DPP6: variants seen among roughly 807,000 people sequenced by gnomAD.
DPP6 encodes dipeptidyl peptidase like 6, also known as A-type potassium channel modulatory protein DPP6.
DPP6 carries 69 observed loss-of-function variants against 122.6 expected under a neutral mutation model. The observed-to-expected ratio is 0.56, with a 90% CI of 0.46 to 0.69. DPP6 has a LOEUF of 0.69. DPP6 is among the 30% of genes least tolerant of loss of function. DPP6 has a pLI of 0.00. For synonymous variants in DPP6, 418 were observed against 433.1 expected, an observed-to-expected ratio of 0.97 and a Z score of 0.43; for missense variants, 928 against 1,116.9, an observed-to-expected ratio of 0.83 and a Z score of 2.41.
At chr7:153,993,767 C>T (rs1448334600) in intron 1 of DPP6, among the ~76,000 whole-genome samples, 4 of 152,198 alleles carry the variant, frequency 2.6e-5, no homozygotes, top group Non-Finnish European at 4.4e-5. Flanking sequence ...TCATCTTCCC[C>T]AGATCTCTTT....
intron 1 of DPP6, among the ~76,000 whole-genome samples, chr7:154,334,227 G>A (rs1333463889): frequency 6.6e-6 from 1 of 151,600 alleles, no homozygotes; most frequent in Non-Finnish European, 1.5e-5. Flanking sequence ...TCTCTTTTGA[G>A]TGCTAGCTTT....
intron 5 of DPP6, among the ~76,000 whole-genome samples, chr7:154,595,694 G>A (rs1833051086): frequency 6.6e-6 from 1 of 152,250 alleles, no homozygotes; most frequent in Non-Finnish European, 1.5e-5. Flanking sequence ...GCTAGGCGGA[G>A]GCAGGAATGG....
intron 7 of DPP6, among the ~76,000 whole-genome samples, chr7:154,725,665 C>T (rs1842029522): frequency 1.3e-5 from 2 of 152,278 alleles, no homozygotes; most frequent in South Asian, 4.1e-4. Context: ...TCATTCCACT[C>T]CTGTCCCCTC....
chr7:154,109,653 T>C (rs1000814381), intron 1 of DPP6, among the ~76,000 whole-genome samples: 1 of 152,230 alleles, frequency 6.6e-6, no homozygotes, highest in African/African-American at 2.4e-5. Context: ...CTCACAAATA[T>C]TTTATTGATG....
intron 1 of DPP6, among the ~76,000 whole-genome samples, chr7:154,171,506 G>C (rs1169183846): frequency 6.6e-6 from 1 of 152,192 alleles, no homozygotes; most frequent in Non-Finnish European, 1.5e-5. Flanking sequence ...ATGAGTCCCT[G>C]CTGGGTGGGT....
intron 10 of DPP6, among the ~76,000 whole-genome samples, chr7:154,776,287 G>A (rs1263634750): frequency 6.6e-6 from 1 of 151,996 alleles, no homozygotes; most frequent in Non-Finnish European, 1.5e-5. Flanking sequence ...TAGATAGATA[G>A]GCCATGCACC....
In DPP6 at chr7:154,863,315, G is replaced by A. The variant is rs982290427; in HGVS notation, c.1715-4680G>A. Among the ~76,000 whole-genome samples, 7 of 151,232 alleles carry A rather than the reference G, an allele frequency of 4.6e-5. No individual in the cohort carries two copies. Among genetic ancestry groups the A allele is most frequent in the Admixed American group, 2.6e-4 (4 of 15,212 alleles). On this transcript the variant is annotated intron_variant, in intron 17 of 25. Coordinates refer to ENST00000377770, the MANE Select transcript of DPP6 (RefSeq NM_130797.4). This position sits in a 1 kb window ranked among gnomAD's most constrained non-coding sequence, Gnocchi z 4.1. ...AAGAAATGTAATATTTAGCATCTTG[G>A]CCCCAAGATTCTACAATCCTTTCAT...
the DPP6 span, among the ~76,000 whole-genome samples, chr7:153,830,010 C>T: frequency 6.6e-6 from 1 of 152,174 alleles, no homozygotes; most frequent in African/African-American, 2.4e-5. Context: ...CTAATTGGGG[C>T]ATGGAATTGT....
chr7:154,504,696 A>C (rs911065589), intron 3 of DPP6, among the ~76,000 whole-genome samples: 1 of 152,196 alleles, frequency 6.6e-6, no homozygotes, highest in African/African-American at 2.4e-5. Flanking sequence ...CTCTCAAAAT[A>C]GCCTTTCTTA....
chr7:153,798,180 G>A, the DPP6 span, among the ~76,000 whole-genome samples: 1 of 152,088 alleles, frequency 6.6e-6, no homozygotes, highest in Non-Finnish European at 1.5e-5. Context: ...CCCATCATGG[G>A]AGCCTCACCT....
At chr7:154,113,305 T>C (rs73481369) in intron 1 of DPP6, among the ~76,000 whole-genome samples, 4,561 of 152,176 alleles carry the variant, frequency 0.03, 227 homozygotes, top group African/African-American at 0.1. Flanking sequence ...TCATACTGTA[T>C]TCCAAAGTGG....
chr7:154,513,447 G>A (rs958274933), intron 3 of DPP6, among the ~76,000 whole-genome samples: 1 of 152,078 alleles, frequency 6.6e-6, no homozygotes, highest in Non-Finnish European at 1.5e-5. Flanking sequence ...ATCTTTTATT[G>A]GTGTGGGACA....
At chr7:154,120,726 C>CA (rs1282839784) in intron 1 of DPP6, among the ~76,000 whole-genome samples, 1 of 152,194 alleles carries the variant, frequency 6.6e-6, no homozygotes, top group African/African-American at 2.4e-5. Context: ...AGAAACAGTA[C>CA]ACATGAGGAA....
the DPP6 span, among the ~76,000 whole-genome samples, chr7:153,826,359 T>C: frequency 2.0e-5 from 3 of 152,316 alleles, no homozygotes; most frequent in East Asian, 5.8e-4. Flanking sequence ...CTGAACTGCT[T>C]TGGATTTTTC....
the DPP6 span, among the ~76,000 whole-genome samples, chr7:153,829,283 G>A: frequency 2.0e-5 from 3 of 152,036 alleles, no homozygotes; most frequent in African/African-American, 4.8e-5. Context: ...GTGCGATCTC[G>A]GGGCTCACTG....
intron 10 of DPP6, among the ~76,000 whole-genome samples, chr7:154,787,728 T>C (rs531349302): frequency 1.3e-5 from 2 of 152,346 alleles, no homozygotes; most frequent in South Asian, 4.1e-4. Flanking sequence ...AATGTACAAA[T>C]GAATAAGGTG....
At chr7:154,472,278 C>G (rs915188464) in intron 2 of DPP6, among the ~76,000 whole-genome samples, 1 of 152,142 alleles carries the variant, frequency 6.6e-6, no homozygotes, top group Admixed American at 6.5e-5. Flanking sequence ...AGAGAATCTC[C>G]CTTCCCCTCT....
At chr7:154,137,642 G>GT (rs1795624280) in intron 1 of DPP6, among the ~76,000 whole-genome samples, 1 of 35,912 alleles carries the variant, frequency 2.8e-5, no homozygotes, top group Non-Finnish European at 5.9e-5. Context: ...AGGAGATGGT[G>GT]GGGGGGGTGG....
At chr7:154,146,838 C>T (rs1356125210) in intron 1 of DPP6, among the ~76,000 whole-genome samples, 3 of 151,998 alleles carry the variant, frequency 2.0e-5, no homozygotes, top group Admixed American at 6.5e-5. Context: ...GGCCCTGCTC[C>T]CCTGGGTGCA....
Sources: gnomAD v4.1 joint callset for allele counts (sites outside exome capture counted in the v4.1 genomes callset) on GRCh38, gnomAD v4.1.1 for gene constraint, Gnocchi (gnomAD v3.1) non-coding constraint, MANE v1.5 for transcripts, NCBI Gene and HGNC (gene_info 2026-07-23, HGNC 2026-07-21) for gene names.